The following MTA3 variants were observed in gnomAD, a reference collection of about 807,000 sequenced individuals.
The protein encoded by MTA3 is metastasis-associated protein MTA3.
Under a neutral mutation model 83.5 loss-of-function variants are expected in MTA3, and 34 were observed. The ratio of observed to expected loss-of-function variants is 0.41; its 90% CI spans 0.31 to 0.54. MTA3 has a LOEUF of 0.54. Among genes scored for constraint, MTA3 ranks in the 20% least tolerant of loss-of-function variants. MTA3 has a pLI of 0.33. For synonymous variants in MTA3, 303 were observed against 252.7 expected, an observed-to-expected ratio of 1.20 and a Z score of -1.89; for missense variants, 761 against 726.4, an observed-to-expected ratio of 1.05 and a Z score of -0.55.
intron 1 of MTA3, 73 bp from the exon 2 acceptor site, chr2:42,570,364 A>C: frequency 1.1e-6 from 1 of 944,506 alleles, no homozygotes; most frequent in Non-Finnish European, 1.6e-6. Flanking sequence ...AATGCCTAAC[A>C]TAAAAAGTCT....
At chr2:42,558,477 C>T (rs970109149) in intron 2 of MTA3, among the ~76,000 whole-genome samples, 5 of 151,606 alleles carry the variant, frequency 3.3e-5, no homozygotes, top group African/African-American at 7.3e-5. Flanking sequence ...CTTGAACTCC[C>T]GACCTCAGGC....
chr2:42,732,717 T>C (rs553417222), intron 16 of MTA3, among the ~76,000 whole-genome samples: 50 of 152,346 alleles, frequency 3.3e-4, no homozygotes, highest in Non-Finnish European at 5.3e-4. Context: ...GTTTCCCTTT[T>C]AAAACTGAAT....
intron 3 of MTA3, among the ~76,000 whole-genome samples, chr2:42,605,889 G>A (rs570328580): frequency 8.8e-6 from 1 of 113,966 alleles, no homozygotes; most frequent in South Asian, 3.3e-4. Context: ...CGGGCAGAGG[G>A]GCTCCTCACT....
chr2:42,738,631 G>A (rs1668780651), intron 16 of MTA3, among the ~76,000 whole-genome samples: 2 of 152,224 alleles, frequency 1.3e-5, no homozygotes, highest in African/African-American at 4.8e-5. Context: ...CAGGGAGTAA[G>A]AGAGATAACC....
chr2:42,525,625 ACTTT>A lies in MTA3; in HGVS notation c.-141+30392_-141+30395del, dbSNP rs1212037304. Among the ~76,000 whole-genome samples the A allele has an allele frequency of 8.1e-4, 89 of 109,780 alleles. 3 individuals are homozygous for A. In the East Asian group the frequency reaches 8.7e-3, roughly 11 times the overall value. The allele number at this position is 109,780 out of a possible 152,430, so 72.0% of individuals were successfully genotyped here. The stretch of plus-strand genomic sequence containing the variant: ...TCCTTTCCTTCCTTCCTTCCTTCCT[ACTTT>A]CTTTCTTTCTTTCTTTCTTTTTTTC... On this transcript the variant is annotated intron_variant, in intron 2 of 17. Coordinates refer to the MTA3 transcript ENST00000405592.
At chr2:42,511,260 T>A (rs1674881176) in intron 2 of MTA3, among the ~76,000 whole-genome samples, 1 of 151,952 alleles carries the variant, frequency 6.6e-6, no homozygotes, top group Non-Finnish European at 1.5e-5. Flanking sequence ...TTCTCCAAAG[T>A]GCAGGATTTA....
At chr2:42,705,551 CA>C (rs1231849493) in intron 12 of MTA3, among the ~76,000 whole-genome samples, 1 of 151,812 alleles carries the variant, frequency 6.6e-6, no homozygotes, top group Non-Finnish European at 1.5e-5. Context: ...CTAAAAATAC[CA>C]AAAATTAGCC....
intron 9 of MTA3, among the ~76,000 whole-genome samples, chr2:42,686,590 C>T (rs191066588): frequency 2.6e-4 from 39 of 151,290 alleles, no homozygotes; most frequent in East Asian, 2.0e-4. Context: ...TTTGGGAGGC[C>T]GAGGCGGGCG....
chr2:42,548,719 C>T (rs2103765127), intron 2 of MTA3, among the ~76,000 whole-genome samples: 1 of 142,982 alleles, frequency 7.0e-6, no homozygotes, highest in East Asian at 2.0e-4. Flanking sequence ...GGGAGGATCA[C>T]CTGAGCTGGG....
At chr2:42,620,199 A>T (rs1190564204) in intron 4 of MTA3, among the ~76,000 whole-genome samples, 2 of 150,570 alleles carry the variant, frequency 1.3e-5, no homozygotes, top group African/African-American at 4.9e-5. Context: ...GCTCACTGCA[A>T]CCTCTGCCAC....
At chr2:42,639,408 A>G (rs1449300578) in intron 4 of MTA3, among the ~76,000 whole-genome samples, 4 of 152,168 alleles carry the variant, frequency 2.6e-5, no homozygotes, top group Admixed American at 6.5e-5. Context: ...TCAGATTTCT[A>G]TTAGTTATAC....
rs540864535 is a variant in MTA3, at chr2:42,747,981, C to G, written c.1760-5393C>G. Among the ~76,000 whole-genome samples, 8 of 152,018 alleles carry G rather than the reference C, an allele frequency of 5.3e-5. No homozygotes were observed. The South Asian group carries it at 1.7e-3, about 32-fold the overall frequency. Reference sequence around the variant, plus strand: ...TCTCCCCCACCTCACCCCCAGGTGACCACTGATTTGTTTTTTGCCACTATA... The same window carrying G: ...TCTCCCCCACCTCACCCCCAGGTGAGCACTGATTTGTTTTTTGCCACTATA... On this transcript the variant is annotated intron_variant, in intron 16 of 16. Transcript: ENST00000405094.
chr2:42,630,038 A>C (rs563861720), intron 4 of MTA3, among the ~76,000 whole-genome samples: 3 of 152,124 alleles, frequency 2.0e-5, no homozygotes, highest in Non-Finnish European at 2.9e-5. Flanking sequence ...GGCCTCCCCA[A>C]GTGCTAGGAT....
chr2:42,619,065 T>C, intron 4 of MTA3, among the ~76,000 whole-genome samples: 1 of 152,244 alleles, frequency 6.6e-6, no homozygotes, highest in Non-Finnish European at 1.5e-5. Context: ...TTGCTTGTTC[T>C]AGCTTGGTTG....
intron 3 of MTA3, among the ~76,000 whole-genome samples, chr2:42,598,890 T>G (rs536969055): frequency 2.2e-4 from 34 of 152,292 alleles, no homozygotes; most frequent in Middle Eastern, 3.4e-3. Context: ...ACATGGGAAG[T>G]GGGTACCACT....
At chr2:42,606,190 G>A (rs1208964160) in intron 3 of MTA3, among the ~76,000 whole-genome samples, 2 of 54,464 alleles carry the variant, frequency 3.7e-5, no homozygotes. Flanking sequence ...CTGGCCGGGC[G>A]GGGGGCTGAC....
At chr2:42,747,352 G>C (rs1039135803) in intron 16 of MTA3, among the ~76,000 whole-genome samples, 6 of 152,162 alleles carry the variant, frequency 3.9e-5, no homozygotes, top group Admixed American at 2.6e-4. Context: ...CCTCCTGGGG[G>C]CAGGATCCTT....
At chr2:42,640,334 C>A in intron 5 of MTA3, 98 bp downstream of exon 5, 1 of 837,388 alleles carries the variant, frequency 1.2e-6, no homozygotes. Flanking sequence ...AGTATTATTC[C>A]ACCATTATAT....
chr2:42,579,177 T>TA lies in MTA3; in HGVS notation c.169dup (p.Met57AsnfsTer5). The TA allele has an allele frequency of 6.2e-7, 1 of 1,602,568 alleles. No homozygotes were observed. Among genetic ancestry groups the TA allele is most frequent in the Non-Finnish European group, 8.5e-7 (1 of 1,175,110 alleles). On this transcript the variant is annotated frameshift_variant, in exon 3 of 17. Transcript: ENST00000405094. LOFTEE classifies it high-confidence loss of function. ...CGACGTGATATTTCCAACACACTTA[T>TA]AATGCTCGCAGATAAGCATGCTAGT...
Sources: allele counts gnomAD v4.1 joint callset (sites outside exome capture counted in the v4.1 genomes callset), GRCh38; gene constraint gnomAD v4.1.1; transcripts MANE v1.5; gene names NCBI Gene and HGNC (gene_info 2026-07-23, HGNC 2026-07-21).